Variants in MRPS25 observed in about 807,000 individuals in gnomAD.
The protein encoded by MRPS25 is small ribosomal subunit protein mS25.
A neutral mutation model predicts 17.3 loss-of-function variants in MRPS25; 15 were observed. The ratio of observed to expected loss-of-function variants is 0.87; its 90% CI spans 0.58 to 1.34. MRPS25 has a LOEUF of 1.34. Among genes scored for constraint, MRPS25 ranks in the 40% most tolerant of loss-of-function variants. The pLI is 0.00. For synonymous variants in MRPS25, 94 were observed against 83.3 expected (o/e 1.13, Z -0.70); for missense variants, 225 against 218.6 (o/e 1.03, Z -0.19).
intron 1 of MRPS25, among the ~76,000 whole-genome samples, chr3:15,061,441 C>T (rs1296522278): frequency 6.6e-6 from 1 of 152,226 alleles, no homozygotes; most frequent in Admixed American, 6.5e-5. Context: ...TGGTCTCCAG[C>T]TCCTAACCGC....
At chr3:15,042,562 T>C (rs2042306068), downstream of MRPS25, 1 of 332,416 alleles carries the variant, frequency 3.0e-6, no homozygotes, top group African/African-American at 2.1e-5. Flanking sequence ...TTGATGAATT[T>C]CCAGGTTTTC....
At chr3:15,046,079 G>A (rs2042438745), downstream of MRPS25, 1 of 152,184 alleles carries the variant, frequency 6.6e-6, no homozygotes, top group African/African-American at 2.4e-5. Context: ...AGTTACTCCT[G>A]GAAGGTGTTT....
chr3:15,060,013 G>C (rs939880526), intron 1 of MRPS25, among the ~76,000 whole-genome samples: 3 of 151,074 alleles, frequency 2.0e-5, no homozygotes, highest in African/African-American at 7.3e-5. Context: ...CATAATCATA[G>C]TATTCTATTT....
At chr3:15,064,104 G>T (rs1331925799) in intron 1 of MRPS25, among the ~76,000 whole-genome samples, 2 of 152,192 alleles carry the variant, frequency 1.3e-5, no homozygotes, top group Non-Finnish European at 2.9e-5. Flanking sequence ...CCCACAAGAA[G>T]TTGCTCCCCG....
At position 15,053,464 on chromosome 3, in the gene MRPS25, G is replaced by C. The variant is rs774371312; in HGVS notation, c.245C>G (p.Ser82Cys). The C allele has an allele frequency of 2.6e-5, 42 of 1,614,016 alleles. No individual in the cohort carries two copies. The highest frequency in any genetic ancestry group is 3.4e-5 in the Non-Finnish European group (40 of 1,180,038). ...CACATCCACCAGGACCTGCTCCCCAGAATCTGGAAACGGAAAGCACGGGGC... is the reference window on the plus strand; with the variant it reads ...CACATCCACCAGGACCTGCTCCCCACAATCTGGAAACGGAAAGCACGGGGC... The part of the protein sequence containing the change: ...PSPFLRFYLD[S>C]GEQVLVDVET... Residue 82 changes from serine (S) to cysteine (C), a missense_variant, in exon 3 of 4, where the codon TCT becomes TGT. By Grantham distance (112) the Ser-to-Cys change is moderately radical. Transcript: ENST00000253686.
At chr3:15,057,854 C>T (rs2042693195) in intron 2 of MRPS25, among the ~76,000 whole-genome samples, 1 of 152,246 alleles carries the variant, frequency 6.6e-6, no homozygotes, top group African/African-American at 2.4e-5. Flanking sequence ...CCCTTCCAAC[C>T]TTGCCTGTTG....
intron 1 of MRPS25, 136 bp downstream of exon 1, chr3:15,064,924 TG>T (rs992428992): frequency 1.4e-5 from 15 of 1,098,486 alleles, no homozygotes; most frequent in South Asian, 6.2e-5. Flanking sequence ...CTCTGTAAAA[TG>T]GGGGTAACAG....
chr3:15,043,166 A>G, downstream of MRPS25: 2 of 535,426 alleles, frequency 3.7e-6, no homozygotes, highest in Non-Finnish European at 6.0e-6. Context: ...ATAGCAATTA[A>G]AAGACTAGTA....
At chr3:15,057,658 G>A (rs1213177105) in intron 2 of MRPS25, among the ~76,000 whole-genome samples, 2 of 152,240 alleles carry the variant, frequency 1.3e-5, no homozygotes, top group African/African-American at 4.8e-5. Context: ...ACTTCCTGCA[G>A]TGCTGGGGCA....
At chr3:15,064,925 G>A (rs571452531) in intron 1 of MRPS25, 136 bp downstream of exon 1, 6 of 1,110,242 alleles carry the variant, frequency 5.4e-6, no homozygotes, top group Admixed American at 5.0e-5. Context: ...TCTGTAAAAT[G>A]GGGGTAACAG....
downstream of MRPS25, chr3:15,042,636 CA>C: frequency 1.8e-6 from 1 of 555,784 alleles, no homozygotes; most frequent in Non-Finnish European, 3.2e-6. Context: ...TCTGTACATA[CA>C]TTTTGTACTC....
chr3:15,052,198 C>T lies in MRPS25; in HGVS notation c.*243G>A, dbSNP rs1419907940. 3 of 1,244,306 alleles carry T rather than the reference C, an allele frequency of 2.4e-6. No homozygotes were observed. The highest frequency in any genetic ancestry group is 1.5e-5 in the African/African-American group (1 of 65,916). 77.1% of individuals were successfully genotyped at this position (1,244,306 alleles called of 1,614,324 possible). A position where few individuals can be genotyped will look rare whatever the true frequency, so the allele number is the denominator to read the frequency against. ...CCTTCCTCTTCACTAGGACCAGATA[C>T]ACGCCAAGCTGCTATTAGGAAGCGT... On this transcript the variant is annotated 3_prime_UTR_variant, in exon 4 of 4. Transcript: ENST00000253686.
downstream of MRPS25, chr3:15,044,673 C>T (rs2042388874): frequency 6.6e-6 from 1 of 152,206 alleles, no homozygotes; most frequent in African/African-American, 2.4e-5. Flanking sequence ...CAAAAAGATC[C>T]CTGGACACTC....
intron 1 of MRPS25, among the ~76,000 whole-genome samples, chr3:15,061,421 T>G (rs2042755749): frequency 6.6e-6 from 1 of 152,206 alleles, no homozygotes; most frequent in African/African-American, 2.4e-5. Flanking sequence ...TTTCGCTGTG[T>G]TGGCCGGGCT....
chr3:15,050,180 T>C lies in MRPS25; in HGVS notation c.*2261A>G. The C allele has an allele frequency of 2.4e-6, 3 of 1,234,542 alleles. No homozygotes were observed. The highest frequency in any genetic ancestry group is 3.0e-6 in the Non-Finnish European group (3 of 989,110). The allele number at this position is 1,234,542 out of a possible 1,614,324, so 76.5% of individuals were successfully genotyped here. ...GAACAAAAAAAGAAAATAATGTTTA[T>C]TTCCACAAATTATCTGCTGCCTGTG... is the stretch of plus-strand genomic sequence containing the variant. On this transcript the variant is annotated 3_prime_UTR_variant, in exon 4 of 4. Coordinates refer to ENST00000253686, the MANE Select transcript of MRPS25 (RefSeq NM_022497.5).
chr3:15,062,133 GT>G (rs1452095609), intron 1 of MRPS25, among the ~76,000 whole-genome samples: 7 of 46,886 alleles, frequency 1.5e-4, no homozygotes, highest in Non-Finnish European at 2.6e-4. Flanking sequence ...CCGGGAGGGA[GT>G]GCGGCGGGTC....
At chr3:15,042,532 CTACTT>C, downstream of MRPS25, 1 of 262,838 alleles carries the variant, frequency 3.8e-6, no homozygotes, top group Non-Finnish European at 7.1e-6. Context: ...ATGAAGACTC[CTACTT>C]TAGTCTGTCC....
chr3:15,047,611 T>C (rs2042501966), downstream of MRPS25: 1 of 152,212 alleles, frequency 6.6e-6, no homozygotes, highest in Non-Finnish European at 1.5e-5. Flanking sequence ...TGGTAGCAAT[T>C]TCCCAGGCTT....
At chr3:15,061,786 C>A (rs1212524727) in intron 1 of MRPS25, among the ~76,000 whole-genome samples, 1 of 150,672 alleles carries the variant, frequency 6.6e-6, no homozygotes, top group Admixed American at 6.6e-5. Context: ...CTTTGCCCCG[C>A]CGCCCCATCT....
Sources: gnomAD v4.1 joint callset for allele counts (sites outside exome capture counted in the v4.1 genomes callset) on GRCh38, gnomAD v4.1.1 for gene constraint, MANE v1.5 for transcripts, NCBI Gene and HGNC (gene_info 2026-07-23, HGNC 2026-07-21) for gene names.